Variants in NFATC2 observed in about 807,000 individuals in gnomAD.
NFATC2 encodes nuclear factor of activated T cells 2.
NFATC2 carries 22 observed loss-of-function variants against 87.3 expected under a neutral mutation model. The observed-to-expected ratio is 0.25, with a 90% CI of 0.18 to 0.36. NFATC2 has a LOEUF of 0.36. Among genes scored for constraint, NFATC2 ranks in the 10% least tolerant of loss-of-function variants. NFATC2 has a pLI of 1.00. For missense variants in NFATC2, 1,149 were observed against 1,259.1 expected (o/e 0.91, Z 1.32); for synonymous variants, 565 against 542.2 (o/e 1.04, Z -0.58).
intron 1 of NFATC2, among the ~76,000 whole-genome samples, chr20:51,531,205 T>C (rs1238738089): frequency 6.6e-6 from 1 of 152,200 alleles, no homozygotes; most frequent in Non-Finnish European, 1.5e-5. Context: ...GGCTCCTGGC[T>C]TTAGAGCCCC....
chr20:51,492,340 A>C (rs2075906488), intron 3 of NFATC2, among the ~76,000 whole-genome samples: 1 of 152,002 alleles, frequency 6.6e-6, no homozygotes, highest in African/African-American at 2.4e-5. Context: ...GAAAAGACAC[A>C]GAGGAGACTG....
At chr20:51,459,112 C>T (rs139652544) in intron 5 of NFATC2, among the ~76,000 whole-genome samples, 7 of 152,254 alleles carry the variant, frequency 4.6e-5, no homozygotes, top group South Asian at 2.1e-4. Flanking sequence ...ACTATATGGA[C>T]GCAGTCAGTA....
chr20:51,419,642 T>C (rs1179225646), intron 9 of NFATC2, among the ~76,000 whole-genome samples: 2 of 152,224 alleles, frequency 1.3e-5, no homozygotes, highest in East Asian at 1.9e-4. Flanking sequence ...CAGCAGCCTC[T>C]ACATCCTAAT....
chr20:51,543,650 C>A (rs2076860430), upstream of NFATC2, among the ~76,000 whole-genome samples: 1 of 152,290 alleles, frequency 6.6e-6, no homozygotes, highest in East Asian at 1.9e-4. Flanking sequence ...AGCATGATTC[C>A]CAGGCCCCTC....
At chr20:51,547,022 T>A (rs950200499), upstream of NFATC2, among the ~76,000 whole-genome samples, 1 of 151,006 alleles carries the variant, frequency 6.6e-6, no homozygotes, top group East Asian at 1.9e-4. Flanking sequence ...GGCTGGGAGG[T>A]AAGTGGGGCC....
chr20:51,422,399 GAGAA>G (rs1317458218), intron 9 of NFATC2, among the ~76,000 whole-genome samples: 1 of 152,138 alleles, frequency 6.6e-6, no homozygotes, highest in Non-Finnish European at 1.5e-5. Flanking sequence ...ACTTCATCTA[GAGAA>G]AGATTCTTGA....
chr20:51,436,285 A>G (rs1427523535), intron 6 of NFATC2, among the ~76,000 whole-genome samples: 1 of 152,220 alleles, frequency 6.6e-6, no homozygotes, highest in South Asian at 2.1e-4. Context: ...AATAATGTTG[A>G]CAGCCAGAAG....
intron 1 of NFATC2, among the ~76,000 whole-genome samples, chr20:51,561,480 A>AAGCAAGCAAGC (rs2077029106): frequency 8.1e-5 from 9 of 111,188 alleles, no homozygotes; most frequent in Admixed American, 2.8e-4. Flanking sequence ...AGAAAGAAAG[A>AAGCAAGCAAGC]AAGAAAGCAA....
chr20:51,396,636 G>A (rs1987189157), intron 10 of NFATC2, among the ~76,000 whole-genome samples: 1 of 152,166 alleles, frequency 6.6e-6, no homozygotes, highest in Non-Finnish European at 1.5e-5. Flanking sequence ...TGGGAATCAA[G>A]AGGGCTGCAT....
intron 1 of NFATC2, among the ~76,000 whole-genome samples, chr20:51,540,658 G>GTTTTTTTTTTTTTTTTTTTTT (rs397864888): frequency 3.6e-5 from 4 of 110,054 alleles, no homozygotes; most frequent in African/African-American, 7.4e-5. Flanking sequence ...TTTTTTTTTT[G>GTTTTTTTTTTTTTTTTTTTTT]TTTTTTTTTT....
intron 1 of NFATC2, among the ~76,000 whole-genome samples, chr20:51,552,143 TG>T (rs1476315440): frequency 2.0e-5 from 3 of 152,156 alleles, no homozygotes; most frequent in African/African-American, 7.2e-5. Flanking sequence ...AAGACCAGCC[TG>T]GGCAACATAG....
chr20:51,552,004 G>A lies in NFATC2; in HGVS notation c.70+10556C>T, dbSNP rs111348190. On this transcript the variant is annotated intron_variant, in intron 1 of 10. Coordinates refer to the NFATC2 transcript ENST00000414705. ...ATCACGCCACTGCACTCCAGCCTGG[G>A]CGACAGAGCGAGGCTCCATCTCAAA... Among the ~76,000 whole-genome samples the A allele has an allele frequency of 1.0e-4, 15 of 149,648 alleles. No individual in the cohort carries two copies. In the East Asian group the frequency reaches 1.6e-3, roughly 16 times the overall value.
intron 9 of NFATC2, among the ~76,000 whole-genome samples, chr20:51,412,238 G>A (rs1979360347): frequency 6.6e-6 from 1 of 152,132 alleles, no homozygotes; most frequent in African/African-American, 2.4e-5. Context: ...TTTGGTGTGA[G>A]CCCCCATGAC....
intron 10 of NFATC2, among the ~76,000 whole-genome samples, chr20:51,391,881 T>C (rs573318033): frequency 2.6e-5 from 4 of 152,320 alleles, no homozygotes; most frequent in South Asian, 2.1e-4. Flanking sequence ...ATTTTTAATA[T>C]AAGGAATGCT....
At chr20:51,494,579 T>G (rs1322409355) in intron 3 of NFATC2, among the ~76,000 whole-genome samples, 1 of 152,030 alleles carries the variant, frequency 6.6e-6, no homozygotes, top group East Asian at 1.9e-4. Flanking sequence ...CACGGCTCCA[T>G]CCTGAATCCT....
At chr20:51,401,225 C>G (rs1161777535) in intron 9 of NFATC2, among the ~76,000 whole-genome samples, 1 of 152,056 alleles carries the variant, frequency 6.6e-6, no homozygotes, top group Non-Finnish European at 1.5e-5. Context: ...CAAAAATTAG[C>G]TGGGTGTGAC....
At chr20:51,422,568 TC>T (rs1451306072) in intron 9 of NFATC2, among the ~76,000 whole-genome samples, 32 of 47,492 alleles carry the variant, frequency 6.7e-4, no homozygotes, top group Non-Finnish European at 1.0e-3. Flanking sequence ...AGAAAACCCC[TC>T]TTTTTTTTTT....
At chr20:51,559,427 C>A (rs2077003920) in intron 1 of NFATC2, among the ~76,000 whole-genome samples, 1 of 152,170 alleles carries the variant, frequency 6.6e-6, no homozygotes, top group African/African-American at 2.4e-5. Flanking sequence ...ACCTCGGTCA[C>A]CTCATCTGTC....
intron 3 of NFATC2, 116 bp from the exon 4 acceptor site, chr20:51,475,776 A>C: frequency 1.0e-6 from 1 of 991,940 alleles, no homozygotes; most frequent in Non-Finnish European, 1.5e-6. Flanking sequence ...TTTCTGCAGC[A>C]TCTGGAAGAA....
Sources: gnomAD v4.1 joint callset for allele counts (sites outside exome capture counted in the v4.1 genomes callset) on GRCh38, gnomAD v4.1.1 for gene constraint, MANE v1.5 for transcripts, NCBI Gene and HGNC (gene_info 2026-07-23, HGNC 2026-07-21) for gene names.